COL22A1: variants seen among roughly 807,000 people sequenced by gnomAD.
COL22A1 encodes the protein collagen type XXII alpha 1 chain.
In COL22A1, 221 loss-of-function variants were observed where a neutral mutation model predicts 248.9. The observed-to-expected ratio is 0.89, with a 90% CI of 0.80 to 0.99. The LOEUF is 0.99. Ranked by LOEUF, COL22A1 falls within the 50% of genes least tolerant of loss-of-function variation. COL22A1 has a pLI of 0.00. For missense variants in COL22A1, 2,240 were observed against 2,179.0 expected, an observed-to-expected ratio of 1.03 and a Z score of -0.56; for synonymous variants, 891 against 793.4, an observed-to-expected ratio of 1.12 and a Z score of -2.07.
rs182957009 is a variant in COL22A1, at chr8:138,757,541, A to C, written c.1903-1712T>G. On this transcript the variant is annotated intron_variant, in intron 18 of 64. Coordinates refer to ENST00000303045, the MANE Select transcript of COL22A1 (RefSeq NM_152888.3). ...CACATGTTTTAATTACTCTCAACTCACCATATAAGGGCCAATGTTCCAACA... is the reference window on the plus strand; with the variant it reads ...CACATGTTTTAATTACTCTCAACTCCCCATATAAGGGCCAATGTTCCAACA... Among the ~76,000 whole-genome samples the C allele has an allele frequency of 1.6e-3, 248 of 152,268 alleles. 2 individuals carry two copies. The highest frequency in any genetic ancestry group is 5.8e-4 in the East Asian group (3 of 5,176).
At chr8:138,615,086 A>T (rs552298216) in intron 55 of COL22A1, among the ~76,000 whole-genome samples, 37 of 152,234 alleles carry the variant, frequency 2.4e-4, no homozygotes, top group African/African-American at 8.2e-4. Flanking sequence ...AGGACGCCAC[A>T]TGCAAAGGGC....
chr8:138,775,055 T>C (rs1466258420), intron 16 of COL22A1, among the ~76,000 whole-genome samples: 1 of 152,120 alleles, frequency 6.6e-6, no homozygotes, highest in Non-Finnish European at 1.5e-5. Context: ...TAAATGTAAA[T>C]TAAGGTTGAA....
chr8:138,653,692 T>C (rs1283995289), intron 45 of COL22A1, among the ~76,000 whole-genome samples: 1 of 152,142 alleles, frequency 6.6e-6, no homozygotes, highest in Non-Finnish European at 1.5e-5. Context: ...GAAAGAGATA[T>C]ATGAAGTTAT....
chr8:138,674,247 A>G (rs1489025243), intron 41 of COL22A1, among the ~76,000 whole-genome samples: 1 of 152,184 alleles, frequency 6.6e-6, no homozygotes, highest in Non-Finnish European at 1.5e-5. Flanking sequence ...GCCCAGCACA[A>G]GATATGACAC....
rs780980990 is a variant in COL22A1 at position 138,716,833 on chromosome 8, C to T, written c.2392G>A (p.Gly798Arg). The T allele has an allele frequency of 1.4e-5, 23 of 1,610,292 alleles. No homozygotes were observed. The highest frequency in any genetic ancestry group is 8.9e-5 in the East Asian group (4 of 44,864). The part of the protein sequence containing the change: ...IGEQGLAGRP[G>R]EKGEAGLPGA... ...AGCACAAACAAACAGACCTTCTCTCCAGGTCGGCCTGCCAGGCCCTGCTCC... is the reference window on the plus strand; with the variant it reads ...AGCACAAACAAACAGACCTTCTCTCTAGGTCGGCCTGCCAGGCCCTGCTCC... Residue 798 changes from glycine to arginine, a missense_variant, in exon 28 of 65, where the codon GGA becomes AGA. By Grantham distance (125) the Gly-to-Arg change is moderately radical (BLOSUM62 -2). Coordinates refer to ENST00000303045, the MANE Select transcript of COL22A1 (RefSeq NM_152888.3).
At chr8:138,853,465 T>C (rs769224893) in intron 3 of COL22A1, among the ~76,000 whole-genome samples, 3 of 152,210 alleles carry the variant, frequency 2.0e-5, no homozygotes, top group Non-Finnish European at 4.4e-5. Context: ...AACAGGTCTC[T>C]CTCTTTTTAA....
At chr8:138,600,837 T>C (rs1564081795) in intron 60 of COL22A1, among the ~76,000 whole-genome samples, 1 of 152,234 alleles carries the variant, frequency 6.6e-6, no homozygotes, top group East Asian at 1.9e-4. Flanking sequence ...TTCAGGGGTC[T>C]AGTAAAGTCC....
intron 22 of COL22A1, among the ~76,000 whole-genome samples, chr8:138,747,731 T>A (rs918023743): frequency 1.3e-5 from 2 of 152,200 alleles, no homozygotes; most frequent in African/African-American, 4.8e-5. Flanking sequence ...ACTACTCACT[T>A]GCCTACAACA....
intron 4 of COL22A1, among the ~76,000 whole-genome samples, chr8:138,840,447 G>A (rs371475305): frequency 1.3e-5 from 2 of 151,864 alleles, no homozygotes; most frequent in Admixed American, 6.6e-5. Context: ...AGAGGGTCCC[G>A]GTCACCAAAC....
chr8:138,872,700 T>C (rs1270472916), intron 3 of COL22A1, among the ~76,000 whole-genome samples: 3 of 152,198 alleles, frequency 2.0e-5, no homozygotes, highest in African/African-American at 7.2e-5. Context: ...GGAGCCTCTG[T>C]CAGGCAATGG....
chr8:138,782,548 C>A (rs1213148638), intron 12 of COL22A1, among the ~76,000 whole-genome samples: 1 of 152,062 alleles, frequency 6.6e-6, no homozygotes, highest in African/African-American at 2.4e-5. Context: ...CACCTATAAT[C>A]CCAGCTACTT....
At chr8:138,832,099 C>A (rs370243303) in intron 5 of COL22A1, among the ~76,000 whole-genome samples, 1 of 152,098 alleles carries the variant, frequency 6.6e-6, no homozygotes, top group African/African-American at 2.4e-5. Context: ...CTCCCATCAG[C>A]GCCATGACAG....
At chr8:138,656,761 A>G (rs1377447968) in intron 44 of COL22A1, among the ~76,000 whole-genome samples, 2 of 152,260 alleles carry the variant, frequency 1.3e-5, no homozygotes, top group Non-Finnish European at 2.9e-5. Flanking sequence ...TTTGCAAAGA[A>G]AAAGGAATAC....
At chr8:138,611,255 A>G (rs1818837253) in intron 56 of COL22A1, among the ~76,000 whole-genome samples, 1 of 152,206 alleles carries the variant, frequency 6.6e-6, no homozygotes, top group African/African-American at 2.4e-5. Context: ...GTCTCACTTC[A>G]CTGGATTACC....
intron 25 of COL22A1, 182 bp from the exon 26 acceptor site, chr8:138,722,271 C>G: frequency 1.7e-6 from 1 of 593,116 alleles, no homozygotes; most frequent in South Asian, 2.2e-5. Context: ...CCACATTTCC[C>G]TTTGTTACTA....
intron 16 of COL22A1, among the ~76,000 whole-genome samples, chr8:138,774,960 G>A (rs968393400): frequency 1.3e-5 from 2 of 152,112 alleles, no homozygotes; most frequent in Admixed American, 6.5e-5. Context: ...AATTCCCAAG[G>A]GAAATATGCC....
In COL22A1 at chr8:138,833,083, A is replaced by G. The variant is rs745446608; in HGVS notation, c.801T>C (p.Ser267=). The G allele has an allele frequency of 2.5e-6, 4 of 1,613,952 alleles. No individual in the cohort carries two copies. The highest frequency in any genetic ancestry group is 1.7e-6 in the Non-Finnish European group (2 of 1,179,806). Residue 267 remains serine, a synonymous_variant, in exon 5 of 65, where the codon AGT becomes AGC. Coordinates refer to ENST00000303045, the MANE Select transcript of COL22A1 (RefSeq NM_152888.3). The stretch of plus-strand genomic sequence containing the variant: ...GGAAGGATCCCATCCGTACATAGGA[A>G]CTCTGAGCTCCATTCTCTCTCTTCC... The part of the protein sequence containing the change: ...ILGKRENGAQ[S]SYVRMGSFPV...
At chr8:138,710,597 ATC>A (rs1050104858) in intron 30 of COL22A1, among the ~76,000 whole-genome samples, 7 of 50,126 alleles carry the variant, frequency 1.4e-4, no homozygotes, top group South Asian at 7.0e-4. Context: ...TAATCTATCT[ATC>A]TATCTATCTA....
chr8:138,699,541 G>C (rs1264155102), intron 32 of COL22A1, among the ~76,000 whole-genome samples: 1 of 152,220 alleles, frequency 6.6e-6, no homozygotes, highest in Non-Finnish European at 1.5e-5. Flanking sequence ...TTCGTGAAAA[G>C]AGAGGAAAAA....
Sources: allele counts gnomAD v4.1 joint callset (sites outside exome capture counted in the v4.1 genomes callset), GRCh38; gene constraint gnomAD v4.1.1; transcripts MANE v1.5; gene names NCBI Gene and HGNC (gene_info 2026-07-23, HGNC 2026-07-21).